Variants in FARS2 observed in about 807,000 individuals in gnomAD.
FARS2 encodes phenylalanine--tRNA ligase, mitochondrial.
A neutral mutation model predicts 46.4 loss-of-function variants in FARS2; 40 were observed. The observed-to-expected ratio is 0.86, with a 90% CI of 0.67 to 1.12. The LOEUF (loss-of-function observed/expected upper bound fraction) is 1.12, where lower values mean the gene tolerates loss of function less well. Among genes scored for constraint, FARS2 ranks in the 50% most tolerant of loss-of-function variants. The pLI is 0.00. For missense variants in FARS2, 513 were observed against 567.9 expected, an observed-to-expected ratio of 0.90 and a Z score of 0.98; for synonymous variants, 234 against 214.9, an observed-to-expected ratio of 1.09 and a Z score of -0.78.
chr6:5,403,220 G>A (rs929375865), intron 2 of FARS2, among the ~76,000 whole-genome samples: 5 of 152,208 alleles, frequency 3.3e-5, no homozygotes, highest in African/African-American at 9.6e-5. Flanking sequence ...GAGGAAGTAT[G>A]TCTGGGATTG....
intron 1 of FARS2, among the ~76,000 whole-genome samples, chr6:5,357,710 G>A (rs797123): frequency 0.14 from 21,382 of 152,132 alleles, 2,137 homozygotes; most frequent in African/African-American, 0.29. Context: ...ATTAGGAGAG[G>A]GCAGGCAATG....
At chr6:5,426,690 A>ACC in intron 3 of FARS2, among the ~76,000 whole-genome samples, 1 of 152,186 alleles carries the variant, frequency 6.6e-6, no homozygotes, top group Non-Finnish European at 1.5e-5. Flanking sequence ...CAGTGGCGCA[A>ACC]TCTTGGCTCA....
intron 6 of FARS2, among the ~76,000 whole-genome samples, chr6:5,679,974 T>C (rs150495341): frequency 6.6e-6 from 1 of 152,172 alleles, no homozygotes; most frequent in Non-Finnish European, 1.5e-5. Flanking sequence ...CAAAGTGTTT[T>C]CCTAAAGAGT....
At chr6:5,327,700 T>C (rs901740210) in intron 1 of FARS2, among the ~76,000 whole-genome samples, 4 of 152,250 alleles carry the variant, frequency 2.6e-5, no homozygotes, top group Non-Finnish European at 4.4e-5. Context: ...TTATTAGCAC[T>C]GTGAGAACAG....
At chr6:5,346,801 T>C (rs1264113748) in intron 1 of FARS2, among the ~76,000 whole-genome samples, 1 of 152,120 alleles carries the variant, frequency 6.6e-6, no homozygotes, top group Non-Finnish European at 1.5e-5. Context: ...CTCCTAAATG[T>C]AGATAATGAT....
chr6:5,641,283 G>GTTTAT (rs546965598), intron 6 of FARS2, among the ~76,000 whole-genome samples: 3,749 of 151,734 alleles, frequency 0.025, 104 homozygotes, highest in African/African-American at 0.064. Flanking sequence ...CGTGTCCCCA[G>GTTTAT]TTTATTTTAT....
At chr6:5,664,403 A>T (rs1460190398) in intron 6 of FARS2, among the ~76,000 whole-genome samples, 2 of 152,114 alleles carry the variant, frequency 1.3e-5, no homozygotes, top group Non-Finnish European at 2.9e-5. Context: ...TCACCCTGGG[A>T]GCTGGCTTCC....
intron 2 of FARS2, among the ~76,000 whole-genome samples, chr6:5,394,999 T>C (rs868462701): frequency 4.8e-4 from 73 of 152,190 alleles, no homozygotes; most frequent in Admixed American, 1.6e-3. Context: ...TAGCCAGGCT[T>C]ATTCTGCAAG....
chr6:5,260,847 G>A, upstream of FARS2: 2 of 1,499,824 alleles, frequency 1.3e-6, no homozygotes, highest in Non-Finnish European at 1.8e-6. Context: ...GCTGCGGCTC[G>A]GCTTTGCCAG....
chr6:5,495,820 A>G lies in FARS2; in HGVS notation c.905-49360A>G, dbSNP rs185463801. On this transcript the variant is annotated intron_variant, in intron 4 of 6. Coordinates refer to ENST00000274680, the MANE Select transcript of FARS2 (RefSeq NM_006567.5). ...TGGACTCTGAGAGACTGGTATTTAA[A>G]TTCTCATGATTTAAGCAGAAATAGT... 2.6e-5 allele frequency among the ~76,000 whole-genome samples: 4 copies of G among 152,318 alleles called. No individual in the cohort carries two copies. In the East Asian group the frequency reaches 7.7e-4, roughly 29 times the overall value.
chr6:5,625,861 T>G (rs899256381), intron 6 of FARS2, among the ~76,000 whole-genome samples: 1 of 152,178 alleles, frequency 6.6e-6, no homozygotes, highest in African/African-American at 2.4e-5. Context: ...GAGGTGGGAC[T>G]GGGCTTGGAA....
intron 5 of FARS2, 39 bp from the exon 6 acceptor site, chr6:5,613,130 T>C: frequency 3.2e-6 from 5 of 1,570,388 alleles, no homozygotes; most frequent in Non-Finnish European, 4.3e-6. Context: ...CTCATTCAAC[T>C]AACAAGTTCA....
chr6:5,495,936 C>A (rs1767435850), intron 4 of FARS2, among the ~76,000 whole-genome samples: 1 of 152,128 alleles, frequency 6.6e-6, no homozygotes, highest in Admixed American at 6.5e-5. Flanking sequence ...TATCACGATG[C>A]CCTGCCTGAG....
chr6:5,584,758 C>T (rs1011932055), intron 5 of FARS2, among the ~76,000 whole-genome samples: 1 of 152,036 alleles, frequency 6.6e-6, no homozygotes, highest in African/African-American at 2.4e-5. Flanking sequence ...TCTCTGAAAA[C>T]AAAAGCTACT....
At chr6:5,416,700 TCTTA>T (rs1182872626) in intron 3 of FARS2, among the ~76,000 whole-genome samples, 3 of 152,248 alleles carry the variant, frequency 2.0e-5, no homozygotes, top group Non-Finnish European at 2.9e-5. Flanking sequence ...TTCTTTGTTC[TCTTA>T]CTTTGTTTGG....
At chr6:5,507,459 T>C (rs759133326) in intron 4 of FARS2, among the ~76,000 whole-genome samples, 9 of 152,364 alleles carry the variant, frequency 5.9e-5, no homozygotes, top group Middle Eastern at 3.4e-3. Flanking sequence ...CATGTTTCTT[T>C]TCATCTCCTT....
intron 1 of FARS2, among the ~76,000 whole-genome samples, chr6:5,349,258 T>C (rs1757423240): frequency 6.6e-6 from 1 of 152,176 alleles, no homozygotes; most frequent in South Asian, 2.1e-4. Flanking sequence ...ATGAAATACT[T>C]AGGTATAAAT....
chr6:5,252,732 C>T, the FARS2 span, among the ~76,000 whole-genome samples: 2 of 152,138 alleles, frequency 1.3e-5, no homozygotes, highest in Non-Finnish European at 2.9e-5. Flanking sequence ...GAAAGCTTTA[C>T]CCTTTCCTGG....
intron 2 of FARS2, among the ~76,000 whole-genome samples, chr6:5,373,799 G>A (rs1388859866): frequency 6.6e-6 from 1 of 151,816 alleles, no homozygotes; most frequent in East Asian, 1.9e-4. Context: ...TGCTCTATGG[G>A]ATAAAGGACC....
Sources: gnomAD v4.1 joint callset for allele counts (sites outside exome capture counted in the v4.1 genomes callset) on GRCh38, gnomAD v4.1.1 for gene constraint, MANE v1.5 for transcripts, NCBI Gene and HGNC (gene_info 2026-07-23, HGNC 2026-07-21) for gene names.